Variants in FAM171B observed in about 807,000 individuals in gnomAD.
FAM171B encodes the protein family with sequence similarity 171 member B, also known as protein FAM171B.
A neutral mutation model predicts 75.6 loss-of-function variants in FAM171B; 19 were observed. The ratio of observed to expected loss-of-function variants is 0.25; its 90% CI spans 0.18 to 0.37. The LOEUF (loss-of-function observed/expected upper bound fraction) is 0.37. FAM171B is among the 10% of genes least tolerant of loss of function. The pLI is 1.00. For missense variants in FAM171B, 848 were observed against 982.4 expected, an observed-to-expected ratio of 0.86 and a Z score of 1.83; for synonymous variants, 367 against 361.7, an observed-to-expected ratio of 1.01 and a Z score of -0.17.
At chr2:186,703,053 A>ATG (rs1190745144) in intron 1 of FAM171B, among the ~76,000 whole-genome samples, 14 of 140,722 alleles carry the variant, frequency 9.9e-5, no homozygotes, top group African/African-American at 1.4e-4. Flanking sequence ...ATTATATAAT[A>ATG]TGTGTGTGTG....
At position 186,703,074 on chromosome 2, in the gene FAM171B, T is replaced by C. The variant is rs145909727; in HGVS notation, c.238+8663T>C. Among the ~76,000 whole-genome samples, 431 of 101,808 alleles carry C rather than the reference T, an allele frequency of 4.2e-3. 2 individuals are homozygous for C. Among genetic ancestry groups the C allele is most frequent in the African/African-American group, 0.015 (401 of 27,158 alleles). 66.8% of individuals were successfully genotyped at this position (101,808 alleles called of 152,430 possible). ...TAATATGTGTGTGTGTATATATATA[T>C]ATACACACACACACACACACACACA... is the stretch of plus-strand genomic sequence containing the variant. On this transcript the variant is annotated intron_variant, in intron 1 of 7. Transcript: ENST00000304698.
At position 186,740,136 on chromosome 2, in the gene FAM171B, C is replaced by T. The variant is rs80020711; in HGVS notation, c.239-92C>T. The T allele has an allele frequency of 4.6e-3, 3,757 of 814,902 alleles. 90 individuals are homozygous for T. The African/African-American group carries it at 0.052, about 11-fold the overall frequency. 50.5% of individuals were successfully genotyped at this position (814,902 alleles called of 1,614,324 possible). A position where few individuals can be genotyped will look rare whatever the true frequency, so the allele number is the denominator to read the frequency against. ...TCCTAAGTTTAACAACAGTTTTGTA[C>T]TGTTATTTAGATATGTTGAATGACA... On this transcript the variant is annotated intron_variant, in intron 1 of 7. Coordinates refer to ENST00000304698, the MANE Select transcript of FAM171B (RefSeq NM_177454.4).
At chr2:186,704,839 T>A (rs1689712471) in intron 1 of FAM171B, among the ~76,000 whole-genome samples, 1 of 152,138 alleles carries the variant, frequency 6.6e-6, no homozygotes, top group African/African-American at 2.4e-5. Flanking sequence ...AAGTGAAGAT[T>A]TGGAGGCTCA....
chr2:186,717,961 CA>C (rs1689897334), intron 1 of FAM171B, among the ~76,000 whole-genome samples: 1 of 152,056 alleles, frequency 6.6e-6, no homozygotes, highest in African/African-American at 2.4e-5. Flanking sequence ...CCTTGATTGA[CA>C]ATTATTAGGT....
Position 186,739,719 on chromosome 2 carries a change from A to G in FAM171B, c.239-509A>G, listed in dbSNP as rs189070178. Among the ~76,000 whole-genome samples, 204 of 152,306 alleles carry G rather than the reference A, an allele frequency of 1.3e-3. 3 individuals are homozygous for G. The highest frequency in any genetic ancestry group is 7.6e-4 in the Non-Finnish European group (52 of 68,038). ...AGGACCTGCCTGAGTCTTTTTTACA[A>G]TTAACTTTTATTTTTGTATGTAGAA... On this transcript the variant is annotated intron_variant, in intron 1 of 7. Transcript: ENST00000304698.
chr2:186,709,066 G>A (rs1221080008), intron 1 of FAM171B, among the ~76,000 whole-genome samples: 2 of 152,120 alleles, frequency 1.3e-5, no homozygotes, highest in South Asian at 2.1e-4. Flanking sequence ...AGAGGGAGCA[G>A]GCTCATCACA....
At chr2:186,695,322 C>T (rs946945832) in intron 1 of FAM171B, 1 of 152,188 alleles carries the variant, frequency 6.6e-6, no homozygotes, top group Non-Finnish European at 1.5e-5. Context: ...TATATTGCAT[C>T]TCCCTACCCC....
At chr2:186,708,345 T>G (rs1446351920) in intron 1 of FAM171B, among the ~76,000 whole-genome samples, 2 of 135,460 alleles carry the variant, frequency 1.5e-5, no homozygotes, top group Non-Finnish European at 3.2e-5. Flanking sequence ...CCTACAAGAC[T>G]GATTTCACTA....
At chr2:186,705,216 T>A (rs1407157127) in intron 1 of FAM171B, among the ~76,000 whole-genome samples, 1 of 152,192 alleles carries the variant, frequency 6.6e-6, no homozygotes, top group African/African-American at 2.4e-5. Context: ...TAACTACATA[T>A]ACATTAAAGG....
chr2:186,710,040 A>G (rs554294640), intron 1 of FAM171B, among the ~76,000 whole-genome samples: 14 of 152,354 alleles, frequency 9.2e-5, no homozygotes, highest in African/African-American at 3.1e-4. Context: ...AAAGGGCATC[A>G]CATTTATTTT....
intron 1 of FAM171B, among the ~76,000 whole-genome samples, chr2:186,694,663 C>CTGGGA (rs1689553353): frequency 6.6e-6 from 1 of 151,008 alleles, no homozygotes; most frequent in Non-Finnish European, 1.5e-5. Context: ...GTCGGGAAGG[C>CTGGGA]TGGGGGTGGG....
chr2:186,724,128 G>T (rs79545815), intron 1 of FAM171B, among the ~76,000 whole-genome samples: 4,760 of 152,228 alleles, frequency 0.031, 176 homozygotes, highest in Admixed American at 0.078. Flanking sequence ...AGCAAGTTTG[G>T]TTGCTCTATC....
At chr2:186,732,170 T>C (rs74269790) in intron 1 of FAM171B, among the ~76,000 whole-genome samples, 2 of 95,678 alleles carry the variant, frequency 2.1e-5, no homozygotes, top group East Asian at 6.3e-4. Context: ...CTATTATAAC[T>C]TTTTTTTGTT....
chr2:186,733,394 A>G (rs1451507040), intron 1 of FAM171B, among the ~76,000 whole-genome samples: 2 of 152,144 alleles, frequency 1.3e-5, no homozygotes, highest in Admixed American at 6.5e-5. Flanking sequence ...TTTATTTATT[A>G]CTCAAATCAG....
chr2:186,759,809 C>T (rs1012355824), intron 6 of FAM171B, among the ~76,000 whole-genome samples: 1 of 151,702 alleles, frequency 6.6e-6, no homozygotes, highest in Admixed American at 6.6e-5. Context: ...TGATGTTATC[C>T]CATTTTTGCT....
intron 6 of FAM171B, among the ~76,000 whole-genome samples, 183 bp from the exon 7 acceptor site, chr2:186,760,930 G>A (rs540800385): frequency 2.0e-5 from 3 of 152,076 alleles, no homozygotes; most frequent in South Asian, 2.1e-4. Flanking sequence ...TGGTTAAAGC[G>A]AGTCAGTCAA....
At chr2:186,741,572 A>G (rs1690288856) in intron 2 of FAM171B, among the ~76,000 whole-genome samples, 1 of 152,178 alleles carries the variant, frequency 6.6e-6, no homozygotes, top group Admixed American at 6.5e-5. Context: ...GTTAGTACAT[A>G]TGACAACATG....
At chr2:186,727,843 C>G (rs1223393826) in intron 1 of FAM171B, among the ~76,000 whole-genome samples, 1 of 152,040 alleles carries the variant, frequency 6.6e-6, no homozygotes, top group East Asian at 1.9e-4. Context: ...CAGATTTCTT[C>G]AGATATTTAT....
Position 186,699,608 on chromosome 2 carries a change from G to A in FAM171B, c.238+5197G>A, listed in dbSNP as rs1689629085. ...CTTCACTTTGTTGATTGTTTCCTTT[G>A]CTCTGCAGATGCTTTTGATGTGATC... is the stretch of plus-strand genomic sequence containing the variant. On this transcript the variant is annotated intron_variant, in intron 1 of 7. Coordinates refer to ENST00000304698, the MANE Select transcript of FAM171B (RefSeq NM_177454.4). Among the ~76,000 whole-genome samples, 4 of 152,174 alleles carry A rather than the reference G, an allele frequency of 2.6e-5. No homozygotes were observed. In the South Asian group the frequency reaches 8.3e-4, roughly 32 times the overall value.
Sources: allele counts gnomAD v4.1 joint callset (sites outside exome capture counted in the v4.1 genomes callset), GRCh38; gene constraint gnomAD v4.1.1; transcripts MANE v1.5; gene names NCBI Gene and HGNC (gene_info 2026-07-23, HGNC 2026-07-21).